The following SOX5 variants were observed in gnomAD, a reference collection of about 807,000 sequenced individuals.
SOX5 encodes the protein SRY-box transcription factor 5, also known as transcription factor SOX-5.
SOX5 carries 9 observed loss-of-function variants against 92.0 expected under a neutral mutation model. The observed-to-expected ratio is 0.10, with a 90% CI of 0.06 to 0.17. SOX5 has a LOEUF of 0.17. Ranked by LOEUF, SOX5 falls within the 10% of genes least tolerant of loss-of-function variation. SOX5 has a pLI of 1.00. For synonymous variants in SOX5, 344 were observed against 336.3 expected (o/e 1.02, Z -0.25); for missense variants, 642 against 944.5 (o/e 0.68, Z 4.20).
intron 4 of SOX5, among the ~76,000 whole-genome samples, chr12:24,103,206 A>G (rs1342785759): frequency 6.6e-6 from 1 of 152,224 alleles, no homozygotes; most frequent in African/African-American, 2.4e-5. Context: ...AAATTAAGGA[A>G]CATTATGAGT....
intron 4 of SOX5, among the ~76,000 whole-genome samples, chr12:24,205,216 T>A (rs1957903095): frequency 1.3e-5 from 2 of 152,170 alleles, no homozygotes; most frequent in Admixed American, 1.3e-4. Flanking sequence ...GCATTAGGCT[T>A]TACACTTTTG....
intron 3 of SOX5, among the ~76,000 whole-genome samples, chr12:23,818,606 G>T (rs997659074): frequency 1.3e-5 from 2 of 151,936 alleles, no homozygotes; most frequent in African/African-American, 4.8e-5. Flanking sequence ...CTTCAATAAT[G>T]AATTAACCTT....
chr12:23,690,397 A>AT lies in SOX5; in HGVS notation c.811-24834dup, dbSNP rs1177564575. 2.6e-5 allele frequency among the ~76,000 whole-genome samples: 4 copies of AT among 152,176 alleles called. 1 individual carries two copies. Among genetic ancestry groups the AT allele is most frequent in the Non-Finnish European group, 5.9e-5 (4 of 68,016 alleles). On this transcript the variant is annotated intron_variant, in intron 6 of 14. Transcript: ENST00000451604. ...CACACAATAGTACAACCAATGATTTATTTTGTGGACTCTTACACGCCAGAC... is the reference window on the plus strand; with the variant it reads ...CACACAATAGTACAACCAATGATTTATTTTTGTGGACTCTTACACGCCAGAC...
intron 1 of SOX5, among the ~76,000 whole-genome samples, chr12:24,466,409 C>T (rs1320066952): frequency 5.9e-5 from 9 of 152,128 alleles, no homozygotes; most frequent in Admixed American, 5.2e-4. Context: ...CTGCACTTGG[C>T]CCCAGAATTC....
chr12:24,168,943 CATT>C (rs1953747262), intron 4 of SOX5, among the ~76,000 whole-genome samples: 3 of 151,772 alleles, frequency 2.0e-5, no homozygotes, highest in South Asian at 2.1e-4. Flanking sequence ...AACAAATAAA[CATT>C]ATTACTACAA....
chr12:24,489,613 A>G (rs1946849682), intron 1 of SOX5, among the ~76,000 whole-genome samples: 1 of 142,518 alleles, frequency 7.0e-6, no homozygotes, highest in Admixed American at 7.3e-5. Context: ...GCTTCCAAAT[A>G]GCCAGGAACT....
chr12:23,926,570 A>G (rs1940005190), intron 1 of SOX5, among the ~76,000 whole-genome samples: 1 of 152,100 alleles, frequency 6.6e-6, no homozygotes. Context: ...TCAAAATCCT[A>G]TGCTTTACCT....
At chr12:23,858,321 T>C (rs1485496624) in intron 2 of SOX5, among the ~76,000 whole-genome samples, 7 of 152,184 alleles carry the variant, frequency 4.6e-5, no homozygotes, top group Middle Eastern at 3.4e-3. Flanking sequence ...AAATCCAGCA[T>C]CTATAAGGAA....
chr12:24,231,240 A>C (rs1426504456), intron 3 of SOX5, among the ~76,000 whole-genome samples: 1 of 152,174 alleles, frequency 6.6e-6, no homozygotes, highest in African/African-American at 2.4e-5. Flanking sequence ...TTTTATTTTT[A>C]AACTTCAGTA....
chr12:24,251,272 G>A (rs372796766), intron 3 of SOX5, among the ~76,000 whole-genome samples: 1 of 151,990 alleles, frequency 6.6e-6, no homozygotes, highest in South Asian at 2.1e-4. Context: ...CAATTTTAGG[G>A]TTTGTCTAAT....
intron 4 of SOX5, among the ~76,000 whole-genome samples, chr12:24,153,213 C>T (rs112668354): frequency 1.1e-3 from 173 of 152,202 alleles, no homozygotes; most frequent in African/African-American, 3.9e-3. Context: ...AGTTCAGAGA[C>T]GAATCCTATT....
intron 4 of SOX5, among the ~76,000 whole-genome samples, chr12:24,109,191 T>C (rs1292612329): frequency 1.3e-5 from 2 of 152,172 alleles, no homozygotes; most frequent in African/African-American, 4.8e-5. Context: ...TAATCAATTT[T>C]CATGTCATCA....
At chr12:24,325,035 C>G (rs1309744206) in intron 2 of SOX5, among the ~76,000 whole-genome samples, 3 of 151,890 alleles carry the variant, frequency 2.0e-5, no homozygotes, top group Non-Finnish European at 4.4e-5. Context: ...GGATATATTG[C>G]TTTCCTGAAT....
intron 1 of SOX5, among the ~76,000 whole-genome samples, chr12:24,379,187 G>C (rs1227314699): frequency 6.6e-6 from 1 of 152,204 alleles, no homozygotes; most frequent in Admixed American, 6.5e-5. Context: ...CTCTTAATGA[G>C]AGCCCCCTTT....
intron 1 of SOX5, among the ~76,000 whole-genome samples, chr12:23,940,351 C>T (rs1340667555): frequency 6.6e-6 from 1 of 151,042 alleles, no homozygotes. Flanking sequence ...GCTGCTTGTT[C>T]CTGTGTAATG....
At chr12:23,561,823 A>G (rs1179068794) in intron 11 of SOX5, among the ~76,000 whole-genome samples, 2 of 152,138 alleles carry the variant, frequency 1.3e-5, no homozygotes, top group South Asian at 4.2e-4. Flanking sequence ...TAAAAAAAAA[A>G]AAAAAAAGGG....
At chr12:24,252,667 G>T (rs1940339466) in intron 3 of SOX5, among the ~76,000 whole-genome samples, 1 of 148,568 alleles carries the variant, frequency 6.7e-6, no homozygotes, top group Admixed American at 6.8e-5. Flanking sequence ...GGAGGAAATT[G>T]TTGAATTCTG....
At chr12:23,545,385 G>A (rs1185491690) in intron 12 of SOX5, among the ~76,000 whole-genome samples, 1 of 152,194 alleles carries the variant, frequency 6.6e-6, no homozygotes, top group Non-Finnish European at 1.5e-5. Flanking sequence ...TGTATAAGAA[G>A]AACAGCACTT....
At position 23,794,888 on chromosome 12, in the gene SOX5, C is replaced by A. The variant is rs74582976; in HGVS notation, c.482-39164G>T. 7.7e-3 allele frequency among the ~76,000 whole-genome samples: 1,172 copies of A among 151,994 alleles called. 19 individuals are homozygous for A. The highest frequency in any genetic ancestry group is 0.027 in the African/African-American group (1,124 of 41,476). ...TTTAGATTTTCCTACAGATGTTAAG[C>A]ATCTCAATGATTTTTAAAGTGTACT... On this transcript the variant is annotated intron_variant, in intron 3 of 14. Transcript: ENST00000451604.
Sources: allele counts gnomAD v4.1 joint callset (sites outside exome capture counted in the v4.1 genomes callset), GRCh38; gene constraint gnomAD v4.1.1; transcripts MANE v1.5; gene names NCBI Gene and HGNC (gene_info 2026-07-23, HGNC 2026-07-21).